Variants in SLC35F1 observed in about 807,000 individuals in gnomAD.
The protein encoded by SLC35F1 is chromosome 6 open reading frame 169.
A neutral mutation model predicts 48.7 loss-of-function variants in SLC35F1; 14 were observed. The observed-to-expected ratio is 0.29, with a 90% CI of 0.19 to 0.45. SLC35F1 has a LOEUF of 0.45. SLC35F1 is among the 20% of genes least tolerant of loss of function. The probability of loss-of-function intolerance (pLI) is 1.00; values close to 1 mark genes in which losing one functional copy is unlikely to be tolerated. For synonymous variants in SLC35F1, 190 were observed against 202.2 expected, an observed-to-expected ratio of 0.94 and a Z score of 0.51; for missense variants, 404 against 500.0, an observed-to-expected ratio of 0.81 and a Z score of 1.83.
intron 1 of SLC35F1, among the ~76,000 whole-genome samples, chr6:118,097,666 C>A (rs118133712): frequency 0.012 from 1,850 of 152,298 alleles, 20 homozygotes; most frequent in South Asian, 0.031. Context: ...ATTCAAATCA[C>A]AAATCTCATT....
intron 6 of SLC35F1, among the ~76,000 whole-genome samples, chr6:118,282,944 T>C (rs1776001239): frequency 6.6e-6 from 1 of 152,160 alleles, no homozygotes; most frequent in South Asian, 2.1e-4. Context: ...TCCAATCCCT[T>C]CTCCACAGAG....
intron 3 of SLC35F1, among the ~76,000 whole-genome samples, chr6:118,239,548 C>A (rs1387631337): frequency 6.6e-6 from 1 of 151,400 alleles, no homozygotes; most frequent in African/African-American, 2.4e-5. Context: ...TTCTTAAGTT[C>A]AGTGAGTTTT....
chr6:118,050,730 C>T (rs144169006), intron 1 of SLC35F1, among the ~76,000 whole-genome samples: 12 of 152,236 alleles, frequency 7.9e-5, no homozygotes, highest in African/African-American at 1.4e-4. Context: ...AAGGTGGGAC[C>T]AGGCAGGCCA....
chr6:117,909,043 G>A (rs565387595), intron 1 of SLC35F1, among the ~76,000 whole-genome samples: 1 of 152,316 alleles, frequency 6.6e-6, no homozygotes, highest in South Asian at 2.1e-4. Context: ...ATCAAATCCC[G>A]AACCATTCAA....
At chr6:118,009,043 T>C (rs1562263081) in intron 1 of SLC35F1, among the ~76,000 whole-genome samples, 1 of 152,186 alleles carries the variant, frequency 6.6e-6, no homozygotes, top group Non-Finnish European at 1.5e-5. Flanking sequence ...TGTCGTGAAG[T>C]GTCATTTATC....
chr6:118,040,357 G>A (rs574114316), intron 1 of SLC35F1, among the ~76,000 whole-genome samples: 1 of 152,276 alleles, frequency 6.6e-6, no homozygotes, highest in African/African-American at 2.4e-5. Flanking sequence ...GCCTGCCCTA[G>A]TCGTTAGGTA....
intron 1 of SLC35F1, among the ~76,000 whole-genome samples, chr6:117,920,908 C>A (rs1345162517): frequency 6.6e-6 from 1 of 151,900 alleles, no homozygotes; most frequent in Non-Finnish European, 1.5e-5. Context: ...TCTGAATATT[C>A]ATGGGGGATA....
intron 2 of SLC35F1, among the ~76,000 whole-genome samples, chr6:118,201,375 A>G (rs1014838167): frequency 2.6e-5 from 4 of 152,228 alleles, no homozygotes; most frequent in African/African-American, 9.6e-5. Context: ...TCCAGCACAT[A>G]TCATTTCTCG....
chr6:118,057,335 T>C (rs1455395130), intron 1 of SLC35F1, among the ~76,000 whole-genome samples: 1 of 152,154 alleles, frequency 6.6e-6, no homozygotes, highest in East Asian at 1.9e-4. Flanking sequence ...GGGATCCTAC[T>C]TGGGCAGATA....
rs139752544 is a variant in SLC35F1 at position 118,184,541 on chromosome 6, G to T, written c.349+29921G>T. ...CAAAGGACAAGAGTATTCTGCACCT[G>T]AATTTCTAGGGAGGGTCCAGCAGGA... On this transcript the variant is annotated intron_variant, in intron 2 of 7. Coordinates refer to ENST00000360388, the MANE Select transcript of SLC35F1 (RefSeq NM_001029858.4). Among the ~76,000 whole-genome samples the T allele has an allele frequency of 3.6e-3, 555 of 152,252 alleles. 2 individuals are homozygous for T. The highest frequency in any genetic ancestry group is 0.01 in the Admixed American group (156 of 15,284).
chr6:118,128,778 T>C (rs1315548254), intron 1 of SLC35F1, among the ~76,000 whole-genome samples: 1 of 151,608 alleles, frequency 6.6e-6, no homozygotes, highest in Non-Finnish European at 1.5e-5. Flanking sequence ...AACCTGCACA[T>C]TGTGCACATG....
intron 1 of SLC35F1, among the ~76,000 whole-genome samples, chr6:118,031,106 T>C (rs878870785): frequency 2.6e-5 from 4 of 152,170 alleles, no homozygotes; most frequent in Admixed American, 2.6e-4. Flanking sequence ...TTAAAATCAA[T>C]GTGAAATTTA....
At chr6:117,944,687 C>T (rs1465348470) in intron 1 of SLC35F1, among the ~76,000 whole-genome samples, 1 of 151,822 alleles carries the variant, frequency 6.6e-6, no homozygotes, top group Non-Finnish European at 1.5e-5. Context: ...TACTTTACTA[C>T]CATCCCTATG....
intron 7 of SLC35F1, among the ~76,000 whole-genome samples, chr6:118,291,340 A>AG (rs1776120509): frequency 1.2e-5 from 1 of 82,130 alleles, no homozygotes; most frequent in Non-Finnish European, 2.7e-5. Flanking sequence ...GGGAAGATAC[A>AG]TAAAAAAAGT....
chr6:118,106,022 C>T lies in SLC35F1; in HGVS notation c.174-48423C>T, dbSNP rs574487865. Among the ~76,000 whole-genome samples, 201 of 152,168 alleles carry T rather than the reference C, an allele frequency of 1.3e-3. 2 individuals are homozygous for T. The highest frequency in any genetic ancestry group is 2.1e-3 in the Non-Finnish European group (143 of 68,012). On this transcript the variant is annotated intron_variant, in intron 1 of 7. Transcript: ENST00000360388. ...CCAATCTTCTCAAATCTCAGTTATC[C>T]CTCTGTACCTGCCTCCCTGGACTTT... is the stretch of plus-strand genomic sequence containing the variant.
chr6:118,175,242 A>G (rs530568505), intron 2 of SLC35F1, among the ~76,000 whole-genome samples: 1 of 152,278 alleles, frequency 6.6e-6, no homozygotes, highest in African/African-American at 2.4e-5. Flanking sequence ...CACTTCCTAC[A>G]GACTCAAATT....
At chr6:118,160,575 A>T (rs772123179) in intron 2 of SLC35F1, among the ~76,000 whole-genome samples, 59 of 152,344 alleles carry the variant, frequency 3.9e-4, no homozygotes, top group Non-Finnish European at 8.5e-4. Flanking sequence ...TTCATGAGAA[A>T]TACTCACATT....
intron 1 of SLC35F1, among the ~76,000 whole-genome samples, chr6:117,997,993 A>T (rs1321482534): frequency 6.7e-6 from 1 of 150,356 alleles, no homozygotes; most frequent in African/African-American, 2.5e-5. Context: ...TTGGATAAAG[A>T]GTCAAGACCC....
rs557823473 is a variant in SLC35F1 at position 118,001,619 on chromosome 6, G to A, written c.173+93720G>A. ...ACAAATGGGATCTAATTAAACTAAA[G>A]AGCTTCTGCACAGCAAAAGAAACTA... On this transcript the variant is annotated intron_variant, in intron 1 of 7. Coordinates refer to ENST00000360388, the MANE Select transcript of SLC35F1 (RefSeq NM_001029858.4). Among the ~76,000 whole-genome samples, 156 of 151,988 alleles carry A rather than the reference G, an allele frequency of 1.0e-3. 2 individuals are homozygous for A. In the East Asian group the frequency reaches 0.027, roughly 26 times the overall value.
Sources: gnomAD v4.1 joint callset for allele counts (sites outside exome capture counted in the v4.1 genomes callset) on GRCh38, gnomAD v4.1.1 for gene constraint, MANE v1.5 for transcripts, NCBI Gene and HGNC (gene_info 2026-07-23, HGNC 2026-07-21) for gene names.